Variants in TRHDE observed in about 807,000 individuals in gnomAD.
TRHDE encodes the protein thyrotropin releasing hormone degrading enzyme.
In TRHDE, 72 loss-of-function variants were observed where a neutral mutation model predicts 125.7. That is an observed-to-expected ratio of 0.57 (90% CI 0.47 to 0.70). The LOEUF (loss-of-function observed/expected upper bound fraction) is 0.70, where lower values mean the gene tolerates loss of function less well. Ranked by LOEUF, TRHDE falls within the 30% of genes least tolerant of loss-of-function variation. TRHDE has a pLI of 0.00. For synonymous variants in TRHDE, 509 were observed against 509.1 expected, an observed-to-expected ratio of 1.00 and a Z score of 0.00; for missense variants, 1,110 against 1,327.1, an observed-to-expected ratio of 0.84 and a Z score of 2.54.
intron 6 of TRHDE, among the ~76,000 whole-genome samples, chr12:72,528,846 T>A (rs1184847679): frequency 6.6e-6 from 1 of 152,254 alleles, no homozygotes; most frequent in Non-Finnish European, 1.5e-5. Flanking sequence ...TTGGGGCATT[T>A]TAGTCTTCCA....
chr12:72,226,342 G>A (rs1484828), intron 2 of TRHDE, among the ~76,000 whole-genome samples: 48,970 of 151,932 alleles, frequency 0.32, 8,441 homozygotes, highest in Middle Eastern at 0.38. Flanking sequence ...ACCTTACCTC[G>A]TTCACTCCTG....
chr12:72,329,513 G>A (rs1869487678), intron 2 of TRHDE, among the ~76,000 whole-genome samples: 1 of 152,102 alleles, frequency 6.6e-6, no homozygotes, highest in Admixed American at 6.5e-5. Context: ...TCTTTAAAGT[G>A]GGTGTTGTAT....
rs535385381 is a variant in TRHDE, at chr12:72,278,509, C to T, written c.914+4952C>T. Among the ~76,000 whole-genome samples the T allele has an allele frequency of 5.3e-5, 8 of 152,226 alleles. No individual in the cohort carries two copies. The East Asian group carries it at 1.5e-3, about 29-fold the overall frequency. ...TTCTATTTTTAATTTTTTGATGAAC[C>T]TCCATACTGTTTTCCATAATGGCTG... On this transcript the variant is annotated intron_variant, in intron 1 of 18. Transcript: ENST00000261180.
chr12:72,568,873 TAAAG>T (rs1013751565), intron 10 of TRHDE, among the ~76,000 whole-genome samples: 23 of 152,170 alleles, frequency 1.5e-4, no homozygotes, highest in Admixed American at 3.9e-4. Context: ...TCTTTAATGG[TAAAG>T]AGAAAACTTA....
chr12:72,595,846 C>CTGT (rs1330426922), intron 12 of TRHDE, among the ~76,000 whole-genome samples: 2 of 152,050 alleles, frequency 1.3e-5, no homozygotes, highest in Admixed American at 6.6e-5. Flanking sequence ...TGAATATTTT[C>CTGT]TGTTATTATA....
chr12:72,183,281 AT>A (rs1360617562), intron 2 of TRHDE, among the ~76,000 whole-genome samples: 1 of 152,212 alleles, frequency 6.6e-6, no homozygotes, highest in Non-Finnish European at 1.5e-5. Context: ...AATGAATGTA[AT>A]TAAAGATTTG....
chr12:72,413,931 G>A (rs1873622883), intron 3 of TRHDE, among the ~76,000 whole-genome samples: 1 of 152,014 alleles, frequency 6.6e-6, no homozygotes, highest in Non-Finnish European at 1.5e-5. Context: ...AGATCACTAA[G>A]CAATTGCAAC....
intron 15 of TRHDE, among the ~76,000 whole-genome samples, chr12:72,630,119 A>C (rs1301159343): frequency 6.6e-6 from 1 of 151,530 alleles, no homozygotes; most frequent in Non-Finnish European, 1.5e-5. Flanking sequence ...GTAACAGCAA[A>C]ATTAAAGCAC....
At chr12:72,590,656 T>A (rs1228314594) in intron 12 of TRHDE, among the ~76,000 whole-genome samples, 1 of 152,186 alleles carries the variant, frequency 6.6e-6, no homozygotes, top group Non-Finnish European at 1.5e-5. Context: ...CTTCTTAATC[T>A]TATTTTTTGC....
chr12:72,372,056 G>T (rs1418944500), intron 2 of TRHDE, among the ~76,000 whole-genome samples: 2 of 152,120 alleles, frequency 1.3e-5, no homozygotes, highest in African/African-American at 4.8e-5. Flanking sequence ...AGCACCTGTT[G>T]TTTCCTGACT....
intron 12 of TRHDE, among the ~76,000 whole-genome samples, chr12:72,581,532 A>C (rs986066115): frequency 6.6e-6 from 1 of 152,178 alleles, no homozygotes; most frequent in Non-Finnish European, 1.5e-5. Context: ...TTTAGTCACC[A>C]GTTTCCTGGA....
intron 2 of TRHDE, among the ~76,000 whole-genome samples, chr12:72,339,401 C>A (rs1288334847): frequency 6.6e-6 from 1 of 152,132 alleles, no homozygotes; most frequent in Non-Finnish European, 1.5e-5. Context: ...TATACCTATG[C>A]CTTAACCCTT....
intron 10 of TRHDE, among the ~76,000 whole-genome samples, chr12:72,572,149 A>G (rs1453211872): frequency 6.6e-6 from 1 of 152,130 alleles, no homozygotes; most frequent in Non-Finnish European, 1.5e-5. Context: ...GAGTGAGAAG[A>G]CCAGTATGTA....
chr12:72,483,323 G>T (rs1877260363), intron 5 of TRHDE, among the ~76,000 whole-genome samples: 1 of 151,882 alleles, frequency 6.6e-6, no homozygotes, highest in Admixed American at 6.6e-5. Flanking sequence ...CCTATCCCAT[G>T]AATTAAATTT....
chr12:72,092,793 A>G (rs1356173154), intron 1 of TRHDE, among the ~76,000 whole-genome samples: 1 of 152,200 alleles, frequency 6.6e-6, no homozygotes, highest in Non-Finnish European at 1.5e-5. Context: ...CTATTGCTGG[A>G]AGAAAGGTAC....
At chr12:72,644,466 G>T (rs1008822907) in intron 15 of TRHDE, among the ~76,000 whole-genome samples, 1 of 152,176 alleles carries the variant, frequency 6.6e-6, no homozygotes, top group African/African-American at 2.4e-5. Context: ...CCCTTGGTCA[G>T]CACAGAGTGA....
At chr12:72,392,471 A>G (rs904609778) in intron 3 of TRHDE, among the ~76,000 whole-genome samples, 3 of 152,178 alleles carry the variant, frequency 2.0e-5, no homozygotes, top group Non-Finnish European at 4.4e-5. Context: ...TATGTGATAG[A>G]AAAAAATTTT....
upstream of TRHDE, among the ~76,000 whole-genome samples, chr12:72,270,684 CT>C (rs1378989898): frequency 1.3e-5 from 2 of 152,198 alleles, no homozygotes; most frequent in Non-Finnish European, 2.9e-5. Flanking sequence ...GCCAATCACA[CT>C]TTGTTTTACT....
intron 12 of TRHDE, among the ~76,000 whole-genome samples, chr12:72,590,500 A>G (rs564888881): frequency 6.6e-6 from 1 of 152,154 alleles, no homozygotes; most frequent in Admixed American, 6.5e-5. Context: ...TTTGCTTTAT[A>G]TATTTTTGTT....
Sources: gnomAD v4.1 joint callset for allele counts (sites outside exome capture counted in the v4.1 genomes callset) on GRCh38, gnomAD v4.1.1 for gene constraint, MANE v1.5 for transcripts, NCBI Gene and HGNC (gene_info 2026-07-23, HGNC 2026-07-21) for gene names.